Variants in SLC39A8 observed in about 807,000 individuals in gnomAD.
The protein encoded by SLC39A8 is solute carrier family 39 member 8.
SLC39A8 carries 15 observed loss-of-function variants against 40.4 expected under a neutral mutation model. The observed-to-expected ratio is 0.37, with a 90% confidence interval of 0.25 to 0.57. The LOEUF (loss-of-function observed/expected upper bound fraction) is 0.57, where lower values mean the gene tolerates loss of function less well. SLC39A8 is among the 20% of genes least tolerant of loss of function. The pLI is 0.75. For missense variants in SLC39A8, 472 were observed against 558.8 expected (o/e 0.84, Z 1.57); for synonymous variants, 223 against 221.6 (o/e 1.01, Z -0.06).
intron 2 of SLC39A8, among the ~76,000 whole-genome samples, chr4:102,327,419 C>G (rs1168037260): frequency 2.6e-5 from 4 of 152,192 alleles, no homozygotes; most frequent in African/African-American, 9.7e-5. Context: ...TGTAACTTCA[C>G]TGTGACTTTG....
At chr4:102,258,146 C>T (rs1237028817), downstream of SLC39A8, among the ~76,000 whole-genome samples, 1 of 149,752 alleles carries the variant, frequency 6.7e-6, no homozygotes, top group African/African-American at 2.5e-5. Context: ...GCTTTGTCAC[C>T]CAGGCTGGAG....
At chr4:102,268,773 C>T (rs1732220986) in intron 6 of SLC39A8, among the ~76,000 whole-genome samples, 1 of 152,318 alleles carries the variant, frequency 6.6e-6, no homozygotes, top group South Asian at 2.1e-4. Context: ...TACACTAACA[C>T]TTCCTTTCAT....
At chr4:102,281,994 G>A (rs571294565) in intron 6 of SLC39A8, among the ~76,000 whole-genome samples, 5 of 152,288 alleles carry the variant, frequency 3.3e-5, no homozygotes, top group East Asian at 1.9e-4. Context: ...ACTGTCCTAC[G>A]CATTTTACAT....
Position 102,344,374 on chromosome 4 carries a change from C to G in SLC39A8, c.219+70G>C, listed in dbSNP as rs77492218. ...CTCCTGCACTTTTCCCAAATAAAAACGGCTCATATACAAAGTGAAGTCTAG... is the reference window on the plus strand; with the variant it reads ...CTCCTGCACTTTTCCCAAATAAAAAGGGCTCATATACAAAGTGAAGTCTAG... On this transcript the variant is annotated intron_variant, in intron 2 of 8. Coordinates refer to ENST00000356736, the MANE Select transcript of SLC39A8 (RefSeq NM_001135146.2). The G allele has an allele frequency of 3.2e-3, 3,449 of 1,082,908 alleles. 87 individuals carry two copies. The African/African-American group carries it at 0.052, about 16-fold the overall frequency. 67.1% of individuals were successfully genotyped at this position (1,082,908 alleles called of 1,614,324 possible). A position where few individuals can be genotyped will look rare whatever the true frequency, so the allele number is the denominator to read the frequency against.
rs375832816 is a variant in SLC39A8, at chr4:102,324,459, T to C, written c.220-8629A>G. ...AACTTTTCTCACCAGAGTGAGAATT[T>C]TAGGTATACTTCGCTTTCTGCACTT... On this transcript the variant is annotated intron_variant, in intron 2 of 8. Coordinates refer to ENST00000356736, the MANE Select transcript of SLC39A8 (RefSeq NM_001135146.2). 1.2e-4 allele frequency among the ~76,000 whole-genome samples: 18 copies of C among 151,132 alleles called. No homozygotes were observed. In the East Asian group the frequency reaches 1.9e-3, roughly 16 times the overall value.
chr4:102,256,184 A>G (rs1291539475), intron 11 of SLC39A8, among the ~76,000 whole-genome samples: 1 of 152,202 alleles, frequency 6.6e-6, no homozygotes, highest in Admixed American at 6.5e-5. Context: ...TCTATTTATA[A>G]GCATTGCTGT....
intron 2 of SLC39A8, among the ~76,000 whole-genome samples, chr4:102,323,947 A>C (rs1170914856): frequency 1.3e-5 from 2 of 152,226 alleles, no homozygotes; most frequent in Admixed American, 6.5e-5. Flanking sequence ...TTAGGATCCC[A>C]CTCAGAGACA....
intron 6 of SLC39A8, chr4:102,269,794 G>A (rs1340801677): frequency 6.6e-6 from 1 of 152,176 alleles, no homozygotes; most frequent in Non-Finnish European, 1.5e-5. Flanking sequence ...TCTTCTGAAC[G>A]CTTGATGCAA....
intron 6 of SLC39A8, among the ~76,000 whole-genome samples, chr4:102,284,819 G>T (rs918071758): frequency 9.3e-6 from 1 of 107,590 alleles, no homozygotes; most frequent in Non-Finnish European, 1.9e-5. Context: ...AGATTTGGGT[G>T]TTTGTTTGCA....
At chr4:102,286,175 C>A (rs754820048) in intron 6 of SLC39A8, among the ~76,000 whole-genome samples, 2 of 152,120 alleles carry the variant, frequency 1.3e-5, no homozygotes, top group African/African-American at 4.8e-5. Context: ...TCCATTGCTT[C>A]CCCTGGTTTG....
At chr4:102,345,055 A>C in intron 1 of SLC39A8, 140 bp from the exon 2 acceptor site, 2 of 309,674 alleles carry the variant, frequency 6.5e-6, no homozygotes, top group Non-Finnish European at 1.0e-5. Flanking sequence ...GGGTTTGCAA[A>C]CGCCCCAGGA....
chr4:102,272,979 A>C (rs1340599493), intron 6 of SLC39A8, among the ~76,000 whole-genome samples: 1 of 152,086 alleles, frequency 6.6e-6, no homozygotes, highest in African/African-American at 2.4e-5. Context: ...GGGTGCCTAC[A>C]CCTCAAGGGC....
chr4:102,259,023 TCTC>T (rs1182001170), downstream of SLC39A8, among the ~76,000 whole-genome samples: 1 of 152,130 alleles, frequency 6.6e-6, no homozygotes, highest in African/African-American at 2.4e-5. Context: ...TAGCAACAAC[TCTC>T]CTCACTTCAC....
chr4:102,263,548 C>T (rs1731959782), intron 8 of SLC39A8, among the ~76,000 whole-genome samples: 1 of 152,148 alleles, frequency 6.6e-6, no homozygotes, highest in Admixed American at 6.5e-5. Context: ...TTGATGGCTG[C>T]TGACTGATTA....
chr4:102,306,200 T>C (rs914516691), intron 4 of SLC39A8, among the ~76,000 whole-genome samples: 15 of 152,146 alleles, frequency 9.9e-5, no homozygotes, highest in South Asian at 8.3e-4. Context: ...ACATCATCAA[T>C]GTAGAGTCTT....
At chr4:102,307,712 A>G in intron 3 of SLC39A8, 107 bp from the exon 4 acceptor site, 1 of 1,120,258 alleles carries the variant, frequency 8.9e-7, no homozygotes, top group Non-Finnish European at 1.3e-6. Context: ...TAAGACACAT[A>G]TCTTCTTTAA....
chr4:102,318,042 T>C (rs937013244), intron 2 of SLC39A8, among the ~76,000 whole-genome samples: 1 of 152,176 alleles, frequency 6.6e-6, no homozygotes, highest in South Asian at 2.1e-4. Context: ...TGAACATGTA[T>C]ACTGGATCAT....
intron 6 of SLC39A8, among the ~76,000 whole-genome samples, chr4:102,300,088 TCTTC>T (rs1455742414): frequency 2.0e-5 from 3 of 152,006 alleles, no homozygotes; most frequent in Non-Finnish European, 4.4e-5. Flanking sequence ...TTTTCCTACA[TCTTC>T]CTTTTTACCC....
exon 12 of SLC39A8, chr4:102,251,901 T>C (rs460026): frequency 0.55 from 83,405 of 152,138 alleles, 23,136 homozygotes; most frequent in Middle Eastern, 0.63. Flanking sequence ...GAGTGACCTC[T>C]TCATATCTGA....
Sources: gnomAD v4.1 joint callset for allele counts (sites outside exome capture counted in the v4.1 genomes callset) on GRCh38, gnomAD v4.1.1 for gene constraint, MANE v1.5 for transcripts, NCBI Gene and HGNC (gene_info 2026-07-23, HGNC 2026-07-21) for gene names.